The following EPHA5 variants were observed in gnomAD, a reference collection of about 807,000 sequenced individuals.
The protein encoded by EPHA5 is EPH receptor A5.
Under a neutral mutation model 105.0 loss-of-function variants are expected in EPHA5, and 60 were observed. The ratio of observed to expected loss-of-function variants is 0.57; its 90% CI spans 0.46 to 0.71. The LOEUF is 0.71. Among genes scored for constraint, EPHA5 ranks in the 30% least tolerant of loss-of-function variants. The probability of loss-of-function intolerance (pLI) is 0.00; values close to 1 mark genes in which losing one functional copy is unlikely to be tolerated. For synonymous variants in EPHA5, 513 were observed against 449.1 expected (o/e 1.14, Z -1.80); for missense variants, 1,218 against 1,274.7 (o/e 0.96, Z 0.68).
chr4:65,512,590 T>C (rs551063241), intron 3 of EPHA5, among the ~76,000 whole-genome samples: 6 of 152,124 alleles, frequency 3.9e-5, no homozygotes, highest in Non-Finnish European at 7.3e-5. Flanking sequence ...CCATCTGAAG[T>C]GCCGGCTTCT....
chr4:65,636,009 A>G (rs747036125), intron 2 of EPHA5, among the ~76,000 whole-genome samples: 2 of 152,138 alleles, frequency 1.3e-5, no homozygotes, highest in Non-Finnish European at 2.9e-5. Flanking sequence ...AACTGAGATT[A>G]GTGTATTTCT....
At chr4:65,444,992 G>A (rs545764986) in intron 5 of EPHA5, among the ~76,000 whole-genome samples, 1 of 152,072 alleles carries the variant, frequency 6.6e-6, no homozygotes, top group Non-Finnish European at 1.5e-5. Flanking sequence ...GAAATAAATA[G>A]TATTGGAGTT....
rs1328240782 is a variant in EPHA5, at chr4:65,320,198, T to C, written c.*3916A>G. The C allele has an allele frequency of 1.3e-5, 3 of 230,010 alleles. No homozygotes were observed. The highest frequency in any genetic ancestry group is 2.6e-5 in the Non-Finnish European group (3 of 116,032). 14.2% of individuals were successfully genotyped at this position (230,010 alleles called of 1,614,324 possible). ...TCCTATTTCTATTTTGATACATTAC[T>C]ATATAATTAACAGCACAATAGAGAA... On this transcript the variant is annotated 3_prime_UTR_variant, in exon 17 of 17. Transcript: ENST00000613740.
At chr4:65,445,907 A>G (rs904360597) in intron 5 of EPHA5, among the ~76,000 whole-genome samples, 1 of 152,150 alleles carries the variant, frequency 6.6e-6, no homozygotes, top group African/African-American at 2.4e-5. Context: ...TTAAATACTG[A>G]GTTCATTCTG....
intron 3 of EPHA5, chr4:65,574,038 T>A: frequency 6.3e-7 from 1 of 1,598,768 alleles, no homozygotes; most frequent in Middle Eastern, 1.7e-4. Flanking sequence ...ACACCAGAAA[T>A]TTGTCATTGC....
intron 8 of EPHA5, among the ~76,000 whole-genome samples, chr4:65,379,880 A>G (rs1719385872): frequency 6.6e-6 from 1 of 151,822 alleles, no homozygotes; most frequent in Non-Finnish European, 1.5e-5. Context: ...TTAATATGTT[A>G]TTAAGAAAAC....
intron 8 of EPHA5, among the ~76,000 whole-genome samples, chr4:65,382,199 TA>T (rs890474141): frequency 2.0e-5 from 3 of 151,304 alleles, no homozygotes; most frequent in Admixed American, 1.3e-4. Context: ...TTTCTTACTC[TA>T]AAAAAAACTA....
chr4:65,606,383 A>G (rs868595729), intron 2 of EPHA5, among the ~76,000 whole-genome samples: 1 of 152,212 alleles, frequency 6.6e-6, no homozygotes, highest in Non-Finnish European at 1.5e-5. Flanking sequence ...TAATTCAAAC[A>G]TATTGAATAA....
intron 16 of EPHA5, among the ~76,000 whole-genome samples, chr4:65,327,614 G>C (rs17086065): frequency 0.17 from 24,938 of 151,060 alleles, 2,223 homozygotes; most frequent in East Asian, 0.33. Flanking sequence ...TGCATGCAAC[G>C]TACATGTACC....
chr4:65,361,309 A>G lies in EPHA5; in HGVS notation c.2173+3708T>C, dbSNP rs114415222. On this transcript the variant is annotated intron_variant, in intron 11 of 16. Coordinates refer to ENST00000613740, the MANE Select transcript of EPHA5 (RefSeq NM_001281766.3). ...AGGTCGAGTAGAGAGAAGAGAGGAC[A>G]TTTTAGGTCTGAGTGAAGTATCTCA... is the stretch of plus-strand genomic sequence containing the variant. Among the ~76,000 whole-genome samples, 1,225 of 151,790 alleles carry G rather than the reference A, an allele frequency of 8.1e-3. 12 individuals are homozygous for G. Among genetic ancestry groups the G allele is most frequent in the African/African-American group, 0.028 (1,148 of 41,492 alleles).
At chr4:65,375,343 A>G (rs532079002) in intron 8 of EPHA5, among the ~76,000 whole-genome samples, 1 of 151,848 alleles carries the variant, frequency 6.6e-6, no homozygotes, top group African/African-American at 2.4e-5. Context: ...TATACAAACA[A>G]ACTCATTGCC....
Position 65,576,219 on chromosome 4 carries a change from G to A in EPHA5, c.910+25422C>T, listed in dbSNP as rs193190107. 2.4e-4 allele frequency among the ~76,000 whole-genome samples: 37 copies of A among 152,156 alleles called. No individual in the cohort carries two copies. The East Asian group carries it at 6.0e-3, about 25-fold the overall frequency. On this transcript the variant is annotated intron_variant, in intron 3 of 16. Coordinates refer to ENST00000613740, the MANE Select transcript of EPHA5 (RefSeq NM_001281766.3). ...AATAAATGCAGAAAATTGATCAAGG[G>A]TATGCATGACATTTGCCAATTTTGT...
intron 3 of EPHA5, among the ~76,000 whole-genome samples, chr4:65,552,801 C>T (rs369428928): frequency 1.3e-5 from 2 of 152,012 alleles, no homozygotes; most frequent in South Asian, 2.1e-4. Flanking sequence ...AAGCACAAAG[C>T]CCAAACCAAT....
At chr4:65,548,941 C>T (rs1737637683) in intron 3 of EPHA5, among the ~76,000 whole-genome samples, 1 of 152,144 alleles carries the variant, frequency 6.6e-6, no homozygotes, top group Admixed American at 6.6e-5. Context: ...AGCGCTAATG[C>T]TGTAAAAAAT....
intron 2 of EPHA5, among the ~76,000 whole-genome samples, chr4:65,625,864 C>T (rs1746097653): frequency 6.6e-6 from 1 of 152,120 alleles, no homozygotes; most frequent in African/African-American, 2.4e-5. Context: ...GTAATCCCAG[C>T]ACTTTAGGAG....
At chr4:65,492,538 CAAAAAAAAAAAAA>C (rs10543479) in intron 4 of EPHA5, among the ~76,000 whole-genome samples, 1 of 84,944 alleles carries the variant, frequency 1.2e-5, no homozygotes, top group African/African-American at 4.5e-5. Flanking sequence ...GACATCTTTG[CAAAAAAAAAAAAA>C]AAAAAAAAAA....
intron 1 of EPHA5, among the ~76,000 whole-genome samples, chr4:65,659,047 T>C (rs1016465145): frequency 1.3e-5 from 2 of 151,990 alleles, no homozygotes; most frequent in African/African-American, 4.8e-5. Flanking sequence ...GGACAGGAGA[T>C]GAAAGGTGAG....
chr4:65,454,389 T>C (rs1727371282), intron 5 of EPHA5, among the ~76,000 whole-genome samples: 1 of 152,138 alleles, frequency 6.6e-6, no homozygotes, highest in Non-Finnish European at 1.5e-5. Context: ...AAAATCTTTT[T>C]AGTTGTGTAC....
At chr4:65,627,777 G>A (rs1295319385) in intron 2 of EPHA5, among the ~76,000 whole-genome samples, 1 of 151,968 alleles carries the variant, frequency 6.6e-6, no homozygotes, top group African/African-American at 2.4e-5. Flanking sequence ...CCCCAACTAG[G>A]ACCACAGAAG....
Sources: gnomAD v4.1 joint callset for allele counts (sites outside exome capture counted in the v4.1 genomes callset) on GRCh38, gnomAD v4.1.1 for gene constraint, MANE v1.5 for transcripts, NCBI Gene and HGNC (gene_info 2026-07-23, HGNC 2026-07-21) for gene names.